The following CBLB variants were observed in gnomAD, a reference collection of about 807,000 sequenced individuals.
CBLB encodes the protein Cbl proto-oncogene B.
CBLB carries 31 observed loss-of-function variants against 104.9 expected under a neutral mutation model. The ratio of observed to expected loss-of-function variants is 0.30; its 90% CI spans 0.22 to 0.40. CBLB has a LOEUF of 0.40. Ranked by LOEUF, CBLB falls within the 10% of genes least tolerant of loss-of-function variation. The pLI is 1.00. For missense variants in CBLB, 1,062 were observed against 1,214.6 expected, an observed-to-expected ratio of 0.87 and a Z score of 1.87; for synonymous variants, 440 against 422.6, an observed-to-expected ratio of 1.04 and a Z score of -0.51.
chr3:105,663,360 G>T (rs1250422151), intron 18 of CBLB, among the ~76,000 whole-genome samples: 1 of 152,170 alleles, frequency 6.6e-6, no homozygotes, highest in Non-Finnish European at 1.5e-5. Context: ...ATAGCCCTTT[G>T]TATTTATTGG....
chr3:105,688,266 C>T (rs1361800142), intron 13 of CBLB, among the ~76,000 whole-genome samples: 1 of 152,014 alleles, frequency 6.6e-6, no homozygotes, highest in Non-Finnish European at 1.5e-5. Context: ...GAGTGTTCTG[C>T]ACTGATGCTG....
intron 2 of CBLB, among the ~76,000 whole-genome samples, chr3:105,856,841 C>T (rs577457205): frequency 5.2e-4 from 79 of 152,106 alleles, no homozygotes; most frequent in African/African-American, 1.8e-3. Context: ...ATACGTGATA[C>T]GTTAGTATAA....
intron 3 of CBLB, among the ~76,000 whole-genome samples, chr3:105,798,271 T>G (rs146276834): frequency 6.6e-6 from 1 of 152,204 alleles, no homozygotes; most frequent in Non-Finnish European, 1.5e-5. Flanking sequence ...TTCTGCCCAT[T>G]TGAATGTATT....
In CBLB at chr3:105,678,501, A is replaced by C; in HGVS notation, c.2499T>G (p.Ile833Met). 6.2e-7 allele frequency: 1 copy of C among 1,614,028 alleles called. No individual in the cohort carries two copies. Among genetic ancestry groups the C allele is most frequent in the Non-Finnish European group, 8.5e-7 (1 of 1,179,930 alleles). The change falls in exon 17 of 19, where the codon ATT becomes ATG. Residue 833 changes from isoleucine to methionine, a missense_variant. Physicochemically the swap from Ile to Met is conservative, Grantham distance 10 (BLOSUM62 1). Around this residue, in one of 2 missense-constraint regions of CBLB, gnomAD observed 605 missense variants for 582.6 expected, o/e 1.04. Transcript: ENST00000394030. ...PPPPPARHSL[I>M]EHSKPPGSSS... ...TGGAGCCAGGAGGTTTTGAATGTTC[A>C]ATGAGACTATGCCTTGCAGGAGGTG...
chr3:105,861,684 T>TATACAC (rs1553870882), intron 2 of CBLB, among the ~76,000 whole-genome samples: 1 of 145,018 alleles, frequency 6.9e-6, no homozygotes, highest in Non-Finnish European at 1.5e-5. Context: ...TGTGCACACA[T>TATACAC]ACACACACAC....
intron 4 of CBLB, among the ~76,000 whole-genome samples, chr3:105,769,637 T>G (rs908581486): frequency 6.6e-6 from 1 of 151,744 alleles, no homozygotes; most frequent in South Asian, 2.1e-4. Flanking sequence ...CAATGAGGAG[T>G]AAAAAATGAG....
In CBLB at chr3:105,698,882, C is replaced by T. The variant is rs190352056; in HGVS notation, c.1959+3212G>A. Among the ~76,000 whole-genome samples the T allele has an allele frequency of 1.3e-3, 204 of 152,148 alleles. 1 individual carries two copies. Among genetic ancestry groups the T allele is most frequent in the African/African-American group, 3.7e-3 (152 of 41,536 alleles). ...TATATGATCTACATGTTTAAAATGA[C>T]TACTCTTCTGCAGAGGAACAAAAAT... On this transcript the variant is annotated intron_variant, in intron 12 of 18. Transcript: ENST00000394030.
At chr3:105,750,234 T>C (rs2301031) in intron 5 of CBLB, among the ~76,000 whole-genome samples, 3,411 of 152,144 alleles carry the variant, frequency 0.022, 90 homozygotes, top group East Asian at 0.12. Flanking sequence ...ATATGTACTG[T>C]TGACAGGAGT....
At chr3:105,816,638 G>T (rs898390108) in intron 3 of CBLB, among the ~76,000 whole-genome samples, 2 of 152,134 alleles carry the variant, frequency 1.3e-5, no homozygotes, top group Non-Finnish European at 2.9e-5. Context: ...AGTGCATAAA[G>T]TAAGTTCTAC....
chr3:105,840,097 C>T (rs1298510026), intron 3 of CBLB, among the ~76,000 whole-genome samples: 3 of 152,118 alleles, frequency 2.0e-5, no homozygotes, highest in African/African-American at 7.2e-5. Context: ...GTATGCCCTA[C>T]AAAAACCTTC....
intron 7 of CBLB, among the ~76,000 whole-genome samples, chr3:105,739,625 CTT>C (rs1197770267): frequency 6.6e-6 from 1 of 151,902 alleles, no homozygotes; most frequent in Non-Finnish European, 1.5e-5. Flanking sequence ...GGAAACTTAA[CTT>C]ATTTTTAAAT....
chr3:105,858,909 A>G (rs2091861863), intron 2 of CBLB, among the ~76,000 whole-genome samples: 1 of 152,204 alleles, frequency 6.6e-6, no homozygotes, highest in Non-Finnish European at 1.5e-5. Flanking sequence ...ATTGTTTCAC[A>G]TGAATAAAAA....
upstream of CBLB, chr3:105,869,425 C>CT: frequency 2.3e-6 from 3 of 1,326,582 alleles, no homozygotes; most frequent in Non-Finnish European, 3.0e-6. Context: ...CTTCGCTTAC[C>CT]TTCCTAGTCT....
chr3:105,753,651 GTATA>G (rs1207969425), intron 4 of CBLB, among the ~76,000 whole-genome samples: 1 of 151,972 alleles, frequency 6.6e-6, no homozygotes, highest in African/African-American at 2.4e-5. Context: ...TTTTTGTTTC[GTATA>G]TAAAGTATAC....
At chr3:105,855,892 A>G (rs777913778) in intron 2 of CBLB, among the ~76,000 whole-genome samples, 71 of 152,350 alleles carry the variant, frequency 4.7e-4, no homozygotes, top group African/African-American at 1.1e-3. Context: ...TTCAAATCAT[A>G]TAAGTTTCAG....
intron 3 of CBLB, among the ~76,000 whole-genome samples, chr3:105,783,439 T>G (rs1042079158): frequency 2.0e-5 from 3 of 152,158 alleles, no homozygotes; most frequent in Non-Finnish European, 4.4e-5. Flanking sequence ...AATCATATTC[T>G]CACATTATTA....
intron 13 of CBLB, among the ~76,000 whole-genome samples, chr3:105,691,696 C>T (rs1228693232): frequency 6.6e-6 from 1 of 152,128 alleles, no homozygotes; most frequent in Non-Finnish European, 1.5e-5. Flanking sequence ...GATTTAGAGC[C>T]TACTACCCAG....
intron 13 of CBLB, among the ~76,000 whole-genome samples, chr3:105,690,690 C>T (rs372257695): frequency 6.6e-6 from 1 of 152,072 alleles, no homozygotes; most frequent in African/African-American, 2.4e-5. Context: ...GGCATAGTGG[C>T]GGACGACTAT....
At position 105,821,671 on chromosome 3, in the gene CBLB, C is replaced by A. The variant is rs1318437221; in HGVS notation, c.419+31743G>T. Reference sequence around the variant, plus strand: ...AGTACTGCAATCATCCAACCTATGACCCTGGCTTTCTCAAGATTGCCCGGG... The same window carrying A: ...AGTACTGCAATCATCCAACCTATGAACCTGGCTTTCTCAAGATTGCCCGGG... On this transcript the variant is annotated intron_variant, in intron 3 of 18. Coordinates refer to ENST00000394030, the MANE Select transcript of CBLB (RefSeq NM_170662.5). 2.0e-5 allele frequency among the ~76,000 whole-genome samples: 3 copies of A among 152,194 alleles called. No homozygotes were observed. In the East Asian group the frequency reaches 5.8e-4, roughly 29 times the overall value.
Sources: gnomAD v4.1 joint callset for allele counts (sites outside exome capture counted in the v4.1 genomes callset) on GRCh38, gnomAD v4.1.1 for gene constraint, gnomAD v4.1.1 regional missense constraint, MANE v1.5 for transcripts, NCBI Gene and HGNC (gene_info 2026-07-23, HGNC 2026-07-21) for gene names.